The following LMNTD1 variants were observed in gnomAD, a reference collection of about 807,000 sequenced individuals.
LMNTD1 encodes lamin tail domain containing 1, also known as lamin tail domain-containing protein 1.
A neutral mutation model predicts 50.9 loss-of-function variants in LMNTD1; 35 were observed. That is an observed-to-expected ratio of 0.69 (90% CI 0.53 to 0.91). The LOEUF is 0.91. Among genes scored for constraint, LMNTD1 ranks in the 40% least tolerant of loss-of-function variants. The pLI, the probability that LMNTD1 is intolerant of heterozygous loss-of-function variation, is 0.00. For missense variants in LMNTD1, 470 were observed against 475.5 expected (o/e 0.99, Z 0.11); for synonymous variants, 153 against 161.9 (o/e 0.94, Z 0.42).
intron 9 of LMNTD1, among the ~76,000 whole-genome samples, chr12:25,497,123 G>A (rs1939105179): frequency 6.6e-6 from 1 of 152,044 alleles, no homozygotes; most frequent in African/African-American, 2.4e-5. Flanking sequence ...AACACGTGTT[G>A]TTTCTATTTT....
intron 4 of LMNTD1, among the ~76,000 whole-genome samples, chr12:25,528,183 T>C (rs1362509677): frequency 6.6e-6 from 1 of 152,186 alleles, no homozygotes; most frequent in Non-Finnish European, 1.5e-5. Flanking sequence ...ATGTTTCTTA[T>C]TGAAGGTCAC....
At chr12:25,498,328 A>G (rs1939181249) in intron 9 of LMNTD1, among the ~76,000 whole-genome samples, 1 of 152,160 alleles carries the variant, frequency 6.6e-6, no homozygotes, top group African/African-American at 2.4e-5. Context: ...TGCACATAGT[A>G]AGTATCACAA....
chr12:25,539,331 T>A, intron 4 of LMNTD1, among the ~76,000 whole-genome samples: 1 of 151,702 alleles, frequency 6.6e-6, no homozygotes, highest in East Asian at 1.9e-4. Flanking sequence ...GAAGTAAAGC[T>A]CTCCTCAGGA....
intron 9 of LMNTD1, among the ~76,000 whole-genome samples, chr12:25,481,767 G>T (rs897256140): frequency 1.3e-5 from 2 of 150,726 alleles, no homozygotes; most frequent in Non-Finnish European, 2.9e-5. Flanking sequence ...GGCTGTGGCT[G>T]TAGAGAGATT....
At chr12:25,492,880 T>G (rs546293710) in intron 9 of LMNTD1, among the ~76,000 whole-genome samples, 3 of 152,324 alleles carry the variant, frequency 2.0e-5, no homozygotes, top group African/African-American at 7.2e-5. Context: ...GCTCACAATC[T>G]ACTTTTCTGG....
intron 4 of LMNTD1, among the ~76,000 whole-genome samples, chr12:25,527,315 A>G (rs1031535811): frequency 6.8e-6 from 1 of 147,114 alleles, no homozygotes; most frequent in African/African-American, 2.5e-5. Context: ...ATCAAGAGAC[A>G]AATCATTTAC....
chr12:25,584,403 A>G (rs965642702), intron 1 of LMNTD1, among the ~76,000 whole-genome samples: 5 of 152,340 alleles, frequency 3.3e-5, no homozygotes, highest in East Asian at 1.9e-4. Context: ...GCTATGGCAC[A>G]TCAGCTCCTA....
intron 1 of LMNTD1, among the ~76,000 whole-genome samples, chr12:25,634,825 A>G (rs1381779635): frequency 2.6e-5 from 4 of 152,218 alleles, no homozygotes; most frequent in African/African-American, 9.7e-5. Flanking sequence ...GACAAGAGAA[A>G]GAGAAAAAAA....
At position 25,553,115 on chromosome 12, in the gene LMNTD1, T is replaced by C; in HGVS notation, c.-77A>G. ...AGCATCAGCTAGGTTTAATAATTTC[T>C]TTACCAAACTAGTACCAGAACCACA... is the stretch of plus-strand genomic sequence containing the variant. On this transcript the variant is annotated 5_prime_UTR_variant, in exon 1 of 10. Coordinates refer to ENST00000458174, the MANE Select transcript of LMNTD1 (RefSeq NM_001145728.2). 1 of 1,612,904 alleles carries C rather than the reference T, an allele frequency of 6.2e-7. No homozygotes were observed. The highest frequency in any genetic ancestry group is 8.5e-7 in the Non-Finnish European group (1 of 1,179,934).
chr12:25,594,484 CAT>C (rs1945789346), intron 1 of LMNTD1, among the ~76,000 whole-genome samples: 1 of 151,758 alleles, frequency 6.6e-6, no homozygotes, highest in African/African-American at 2.4e-5. Flanking sequence ...ATGAAGGAAA[CAT>C]AGTCTTTTTC....
intron 1 of LMNTD1, among the ~76,000 whole-genome samples, chr12:25,626,811 C>A (rs895550719): frequency 6.6e-6 from 1 of 152,146 alleles, no homozygotes; most frequent in Non-Finnish European, 1.5e-5. Flanking sequence ...CAAGCTGAAA[C>A]CTCAAAAACC....
Position 25,549,333 on chromosome 12 carries a change from G to C in LMNTD1, c.303C>G (p.Asn101Lys). 6.2e-7 allele frequency: 1 copy of C among 1,602,396 alleles called. No individual in the cohort carries two copies. The highest frequency in any genetic ancestry group is 1.3e-5 in the African/African-American group (1 of 74,526). Residue 101 changes from asparagine (N) to lysine (K), a missense_variant, in exon 3 of 10, where the codon AAC (asparagine) becomes AAG (lysine). Coordinates refer to ENST00000458174, the MANE Select transcript of LMNTD1 (RefSeq NM_001145728.2). Reference sequence around the variant, plus strand: ...GTTCCATATTTTGCTTACCCAAGCTGTTTTCCACTCTGGAACAGCTACCTA... The same window carrying C: ...GTTCCATATTTTGCTTACCCAAGCTCTTTTCCACTCTGGAACAGCTACCTA... ...ATVGSCSRVE[N>K]SLDASPFSVP... is the part of the protein sequence containing the mutation.
chr12:25,615,597 G>C (rs1946338102), intron 1 of LMNTD1, among the ~76,000 whole-genome samples: 1 of 151,960 alleles, frequency 6.6e-6, no homozygotes, highest in Non-Finnish European at 1.5e-5. Context: ...CAGTAGCTGA[G>C]ATTCAGGTGT....
chr12:25,569,137 C>T lies in LMNTD1; in HGVS notation c.59-22583G>A, dbSNP rs1231375746. On this transcript the variant is annotated intron_variant, in intron 1 of 7. Coordinates refer to the LMNTD1 transcript ENST00000445693. ...CAACCCATGAAGGCAGCTGCAGGGG[C>T]TGCACCCGGCAAAGCCATGGAGGCA... is the stretch of plus-strand genomic sequence containing the variant. 2.0e-5 allele frequency among the ~76,000 whole-genome samples: 3 copies of T among 152,212 alleles called. No homozygotes were observed. In the East Asian group the frequency reaches 5.8e-4, roughly 29 times the overall value.
chr12:25,499,614 T>C (rs1279482228), intron 9 of LMNTD1, among the ~76,000 whole-genome samples: 2 of 152,158 alleles, frequency 1.3e-5, no homozygotes, highest in Non-Finnish European at 2.9e-5. Flanking sequence ...CATTTTTAAA[T>C]GTTCACACCC....
intron 1 of LMNTD1, among the ~76,000 whole-genome samples, chr12:25,583,325 C>T (rs1474275300): frequency 1.1e-5 from 1 of 93,356 alleles, no homozygotes; most frequent in Non-Finnish European, 2.6e-5. Flanking sequence ...CCGTGCCCGG[C>T]CGGTAATGTT....
intron 1 of LMNTD1, among the ~76,000 whole-genome samples, chr12:25,647,752 A>C (rs1276109758): frequency 1.3e-5 from 2 of 152,216 alleles, no homozygotes; most frequent in African/African-American, 4.8e-5. Context: ...CTATTATTTT[A>C]AATTAAATTT....
intron 8 of LMNTD1, among the ~76,000 whole-genome samples, chr12:25,506,669 G>A (rs952456272): frequency 2.0e-5 from 3 of 150,450 alleles, no homozygotes; most frequent in Non-Finnish European, 4.4e-5. Flanking sequence ...CGACTCCTTC[G>A]TGCTGTACTC....
chr12:25,623,111 T>C (rs1253701689), intron 1 of LMNTD1, among the ~76,000 whole-genome samples: 2 of 152,064 alleles, frequency 1.3e-5, no homozygotes, highest in Non-Finnish European at 2.9e-5. Flanking sequence ...TTTTTTAATG[T>C]GGCAGTCTGA....
Sources: allele counts gnomAD v4.1 joint callset (sites outside exome capture counted in the v4.1 genomes callset), GRCh38; gene constraint gnomAD v4.1.1; transcripts MANE v1.5; gene names NCBI Gene and HGNC (gene_info 2026-07-23, HGNC 2026-07-21).